Variants in SLC25A39 observed in about 807,000 individuals in gnomAD.
The protein encoded by SLC25A39 is mitochondrial glutathione transporter SLC25A39.
SLC25A39 carries 44 observed loss-of-function variants against 46.6 expected under a neutral mutation model. The observed-to-expected ratio is 0.94, with a 90% CI of 0.74 to 1.21. SLC25A39 has a LOEUF of 1.21. Among genes scored for constraint, SLC25A39 ranks in the 50% most tolerant of loss-of-function variants. The pLI is 0.00. For synonymous variants in SLC25A39, 218 were observed against 190.6 expected (o/e 1.14, Z -1.19); for missense variants, 487 against 473.0 (o/e 1.03, Z -0.28).
At chr17:44,321,360 C>T (rs759483156) in intron 7 of SLC25A39, 74 bp downstream of exon 7, 7 of 1,604,152 alleles carry the variant, frequency 4.4e-6, no homozygotes, top group Non-Finnish European at 6.0e-6. Context: ...GAGGTTGGGG[C>T]TGGGAGCTGG....
In SLC25A39 at chr17:44,319,798, C is replaced by T; in HGVS notation, c.*203G>A. The stretch of plus-strand genomic sequence containing the variant: ...CTTGGGGGGTGGGTAAGTGATGATC[C>T]CCACGACTGGAGCAGCAGGAAGAAG... On this transcript the variant is annotated 3_prime_UTR_variant, in exon 12 of 12. Coordinates refer to ENST00000377095, the MANE Select transcript of SLC25A39 (RefSeq NM_001143780.3). 1 of 575,054 alleles carries T rather than the reference C, an allele frequency of 1.7e-6. No homozygotes were observed. Among genetic ancestry groups the T allele is most frequent in the South Asian group, 2.0e-5 (1 of 50,022 alleles). The allele number at this position is 575,054 out of a possible 1,614,324, so 35.6% of individuals were successfully genotyped here. A position where few individuals can be genotyped will look rare whatever the true frequency, so the allele number is the denominator to read the frequency against.
At chr17:44,322,686 T>C in intron 4 of SLC25A39, 122 bp downstream of exon 4, 3 of 1,557,754 alleles carry the variant, frequency 1.9e-6, no homozygotes, top group Non-Finnish European at 2.6e-6. Context: ...CAGGACTGGC[T>C]GGCAGGACCT....
At chr17:44,320,790 G>A (rs765419484) in intron 8 of SLC25A39, 59 bp from the exon 9 acceptor site, 31 of 1,355,462 alleles carry the variant, frequency 2.3e-5, no homozygotes, top group African/African-American at 2.9e-5. Flanking sequence ...GCCCCAGACC[G>A]TCCACCTTTC....
intron 5 of SLC25A39, 83 bp downstream of exon 5, chr17:44,322,336 C>T (rs2048072069): frequency 6.5e-7 from 1 of 1,530,978 alleles, no homozygotes; most frequent in Non-Finnish European, 9.0e-7. Context: ...TTGCCCAATC[C>T]CTTTACTCCT....
In SLC25A39 at chr17:44,323,533, G is replaced by GCTGAAGCCCGCAGGGTC; in HGVS notation, c.29_30insGACCCTGCGGGCTTCAG (p.Ser10ArgfsTer26). ...CTGAGGCCACCATTTGCTGGAGGGG[G>GCTGAAGCCCGCAGGGTC]CTGATGCCCGCAGGGTCCTGGTCAG... On this transcript the variant is annotated frameshift_variant, in exon 2 of 12. Transcript: ENST00000377095. LOFTEE classifies it high-confidence loss of function. 6.3e-7 allele frequency: 1 copy of GCTGAAGCCCGCAGGGTC among 1,579,988 alleles called. No homozygotes were observed. The highest frequency in any genetic ancestry group is 8.6e-7 in the Non-Finnish European group (1 of 1,163,152).
At chr17:44,321,329 C>G in intron 7 of SLC25A39, 98 bp from the exon 8 acceptor site, 4 of 1,587,056 alleles carry the variant, frequency 2.5e-6, no homozygotes, top group Non-Finnish European at 3.4e-6. Flanking sequence ...CCTAGAACAC[C>G]CCCCTATCCC....
chr17:44,320,150 G>C (rs375556851), intron 11 of SLC25A39, 34 bp from the exon 12 acceptor site: 31 of 1,613,892 alleles, frequency 1.9e-5, no homozygotes, highest in Non-Finnish European at 2.5e-5. Context: ...TCAGGGGTCA[G>C]GTCGCAGGTC....
Position 44,320,436 on chromosome 17 carries a change from C to T in SLC25A39, c.802G>A (p.Val268Met), listed in dbSNP as rs368359016. 6.2e-7 allele frequency: 1 copy of T among 1,613,500 alleles called. No homozygotes were observed. The highest frequency in any genetic ancestry group is 8.5e-7 in the Non-Finnish European group (1 of 1,180,010). Reference sequence around the variant, plus strand: ...AAGGGTAGAGTCAGCACTGCAGCCACCTGGTGGGGTGGGCGGGGAGAGGGC... The same window carrying T: ...AAGGGTAGAGTCAGCACTGCAGCCATCTGGTGGGGTGGGCGGGGAGAGGGC... ...SFVAGGISGT[V>M]AAVLTLPFDV... The change falls in exon 10 of 12, where the codon GTG (valine) becomes ATG (methionine). Residue 268 changes from valine (V) to methionine (M), a missense_variant and splice_region_variant. Physicochemically the swap from Val to Met is conservative, Grantham distance 21. Coordinates refer to ENST00000377095, the MANE Select transcript of SLC25A39 (RefSeq NM_001143780.3).
At chr17:44,320,996 G>A (rs1415214963) in intron 8 of SLC25A39, 62 bp downstream of exon 8, 5 of 1,506,840 alleles carry the variant, frequency 3.3e-6, no homozygotes, top group East Asian at 2.3e-5. Context: ...GGACTTGGCT[G>A]TAGACCCTTT....
At position 44,321,688 on chromosome 17, in the gene SLC25A39, C is replaced by A; in HGVS notation, c.392+12G>T. 1 of 1,610,412 alleles carries A rather than the reference C, an allele frequency of 6.2e-7. No homozygotes were observed. Among genetic ancestry groups the A allele is most frequent in the Non-Finnish European group, 8.5e-7 (1 of 1,177,518 alleles). On this transcript the variant is annotated intron_variant, in intron 6 of 11. Transcript: ENST00000377095. ...GTACCAGAGGAGAGTGGTGCAGGAC[C>A]CGGCTACTCACAGGGTGGCGGGGAG...
Position 44,321,420 on chromosome 17 carries a change from A to G in SLC25A39, c.517+14T>C, listed in dbSNP as rs1237717713. 3.7e-6 allele frequency: 6 copies of G among 1,613,578 alleles called. No homozygotes were observed. The highest frequency in any genetic ancestry group is 5.1e-6 in the Non-Finnish European group (6 of 1,179,908). On this transcript the variant is annotated intron_variant, in intron 7 of 11. Coordinates refer to ENST00000377095, the MANE Select transcript of SLC25A39 (RefSeq NM_001143780.3). ...GGGGACAGAGGGAGGTCAAAGGCCC[A>G]AGACTATGCTCACGGCGGGCCAGCG... is the stretch of plus-strand genomic sequence containing the variant.
At position 44,320,712 on chromosome 17, in the gene SLC25A39, A is replaced by G. The variant is rs754094717; in HGVS notation, c.711T>C (p.Tyr237=). The G allele has an allele frequency of 4.3e-6, 7 of 1,613,822 alleles. No individual in the cohort carries two copies. The highest frequency in any genetic ancestry group is 1.1e-5 in the South Asian group (1 of 91,088). The stretch of plus-strand genomic sequence containing the variant: ...CATTGAGCCAGCTCTTCACCAGCTC[A>G]TAGTTGAACCAGTACAGGGCTTGGG... ...VPFSALYWFN[Y]ELVKSWLNGF... Residue 237 remains tyrosine, a synonymous_variant, in exon 9 of 12, where the codon TAT becomes TAC. Transcript: ENST00000377095.
chr17:44,321,076 G>A lies in SLC25A39; in HGVS notation c.673C>T (p.Arg225Ter), dbSNP rs200402073. ...TGCCTACCTGAGAAGGGCACATCTC[G>A]AAGGGCAGTGGGGCCCCAGCCCAGC... ...LWLGWGPTALRDVPFSALYWF... is the reference protein window; with the variant it reads ...LWLGWGPTAL Residue 225 changes from arginine (R) to a stop codon, truncating the protein, a stop_gained, in exon 8 of 12, where the codon CGA (arginine) becomes TGA (stop). Transcript: ENST00000377095. LOFTEE classifies it high-confidence loss of function. The A allele has an allele frequency of 6.2e-6, 10 of 1,604,958 alleles. No individual in the cohort carries two copies. Among genetic ancestry groups the A allele is most frequent in the East Asian group, 2.2e-5 (1 of 44,814 alleles).
intron 8 of SLC25A39, 93 bp from the exon 9 acceptor site, chr17:44,320,824 G>A: frequency 1.8e-6 from 2 of 1,097,814 alleles, no homozygotes; most frequent in Middle Eastern, 4.1e-4. Context: ...CCTCCCAGCT[G>A]TGAGTCTTGT....
intron 5 of SLC25A39, among the ~76,000 whole-genome samples, 166 bp downstream of exon 5, chr17:44,322,253 A>G (rs759565818): frequency 1.9e-4 from 29 of 152,152 alleles, no homozygotes; most frequent in Non-Finnish European, 3.8e-4. Flanking sequence ...TGTCTAAAAG[A>G]AAACAAACAC....
chr17:44,322,972 G>A (rs1448872326), intron 3 of SLC25A39, 120 bp from the exon 4 acceptor site: 1 of 1,082,472 alleles, frequency 9.2e-7, no homozygotes, highest in Non-Finnish European at 1.4e-6. Flanking sequence ...GCCCACCCTG[G>A]AGCATAGTGG....
At chr17:44,323,439 A>AGGCC in intron 2 of SLC25A39, 39 bp downstream of exon 2, 3 of 257,100 alleles carry the variant, frequency 1.2e-5, no homozygotes, top group Non-Finnish European at 1.1e-5. Context: ...GGTCTGCCCC[A>AGGCC]TCCCCACCCG....
rs968638098 is a variant in SLC25A39 at position 44,320,649 on chromosome 17, G to A, written c.774C>T (p.Ser258=). Residue 258 remains serine (S), a synonymous_variant, in exon 9 of 12, where the codon AGC becomes AGT. Coordinates refer to ENST00000377095, the MANE Select transcript of SLC25A39 (RefSeq NM_001143780.3). ...RPKDQTSVGM[S]FVAGGISGTV... ...TCCCTGAGATGCCACCAGCCACAAA[G>A]CTCATGCCCACAGAAGTCTGGTCCT... The A allele has an allele frequency of 2.5e-6, 4 of 1,613,998 alleles. No individual in the cohort carries two copies. The highest frequency in any genetic ancestry group is 2.2e-5 in the East Asian group (1 of 44,896).
Position 44,320,033 on chromosome 17 carries a change from T to A in SLC25A39, c.1048A>T (p.Arg350Trp). 2 of 1,613,950 alleles carry A rather than the reference T, an allele frequency of 1.2e-6. No individual in the cohort carries two copies. The highest frequency in any genetic ancestry group is 8.5e-7 in the Non-Finnish European group (1 of 1,179,994). The change falls in exon 12 of 12, where the codon AGG becomes TGG. Residue 350 changes from arginine (R) to tryptophan (W), a missense_variant. Arg to Trp is a moderately radical substitution (Grantham distance 101). Coordinates refer to ENST00000377095, the MANE Select transcript of SLC25A39 (RefSeq NM_001143780.3). ...TYEFGKSFFQ[R>W]LNQDRLLGG is the part of the protein sequence containing the mutation. ...CCCAGAAGCCGGTCCTGGTTCAGCC[T>A]CTGGAAGAAGCTTTTGCCGAACTCA... is the stretch of plus-strand genomic sequence containing the variant.
Sources: allele counts gnomAD v4.1 joint callset (sites outside exome capture counted in the v4.1 genomes callset), GRCh38; gene constraint gnomAD v4.1.1; transcripts MANE v1.5; gene names NCBI Gene and HGNC (gene_info 2026-07-23, HGNC 2026-07-21).